The following ITGB6 variants were observed in gnomAD, a reference collection of about 807,000 sequenced individuals.
ITGB6 encodes the protein integrin subunit beta 6.
Under a neutral mutation model 84.5 loss-of-function variants are expected in ITGB6, and 80 were observed. That is an observed-to-expected ratio of 0.95 (90% CI 0.79 to 1.14). The LOEUF (loss-of-function observed/expected upper bound fraction) is 1.14. Among genes scored for constraint, ITGB6 ranks in the 50% most tolerant of loss-of-function variants. ITGB6 has a pLI of 0.00. For synonymous variants in ITGB6, 383 were observed against 354.9 expected (o/e 1.08, Z -0.89); for missense variants, 1,006 against 968.0 (o/e 1.04, Z -0.52).
intron 7 of ITGB6, among the ~76,000 whole-genome samples, chr2:160,155,912 A>G (rs1684606795): frequency 6.6e-6 from 1 of 152,236 alleles, no homozygotes; most frequent in Non-Finnish European, 1.5e-5. Context: ...TAGAATGGCT[A>G]AAATTACAAA....
At chr2:160,122,819 T>C (rs1683095137) in intron 12 of ITGB6, among the ~76,000 whole-genome samples, 1 of 152,218 alleles carries the variant, frequency 6.6e-6, no homozygotes. Flanking sequence ...ATTAACTCAA[T>C]CCATGCTGGA....
At chr2:160,130,195 G>C (rs1443094422) in intron 10 of ITGB6, among the ~76,000 whole-genome samples, 1 of 152,036 alleles carries the variant, frequency 6.6e-6, no homozygotes, top group East Asian at 1.9e-4. Flanking sequence ...TGTGTATCTA[G>C]ACATAGAAAA....
At chr2:160,177,786 C>A (rs909172501) in intron 4 of ITGB6, among the ~76,000 whole-genome samples, 1 of 152,022 alleles carries the variant, frequency 6.6e-6, no homozygotes, top group Non-Finnish European at 1.5e-5. Context: ...GACAATAATG[C>A]AGTATATTTC....
rs1696645378 is a variant in ITGB6, at chr2:160,099,796, G to A, written c.*1940C>T. The A allele has an allele frequency of 6.6e-6, 1 of 152,120 alleles. No individual in the cohort carries two copies. The highest frequency in any genetic ancestry group is 1.5e-5 in the Non-Finnish European group (1 of 68,018). The allele number at this position is 152,120 out of a possible 1,614,324, so 9.4% of individuals were successfully genotyped here. A position where few individuals can be genotyped will look rare whatever the true frequency, so the allele number is the denominator to read the frequency against. The stretch of plus-strand genomic sequence containing the variant: ...CAGAAGTACTACTGTTAATGTTTTG[G>A]CCTTTCCAAGGTCCTGCCTGGGGTC... On this transcript the variant is annotated 3_prime_UTR_variant, in exon 15 of 15. Coordinates refer to ENST00000283249, the MANE Select transcript of ITGB6 (RefSeq NM_000888.5).
intron 7 of ITGB6, among the ~76,000 whole-genome samples, chr2:160,149,065 T>A (rs963920119): frequency 2.6e-5 from 4 of 152,182 alleles, no homozygotes; most frequent in African/African-American, 9.7e-5. Flanking sequence ...GACTTAAACG[T>A]CCCTGTCTGA....
At chr2:160,115,941 G>A (rs13028929) in intron 12 of ITGB6, among the ~76,000 whole-genome samples, 1 of 146,698 alleles carries the variant, frequency 6.8e-6, no homozygotes, top group South Asian at 2.2e-4. Context: ...ATGAAATGAA[G>A]TGAGAAGGGA....
At chr2:160,115,273 A>G (rs4477863) in intron 12 of ITGB6, among the ~76,000 whole-genome samples, 119,294 of 151,476 alleles carry the variant, frequency 0.79, 47,915 homozygotes, top group African/African-American at 0.95. Context: ...CACCTCACAC[A>G]GCCGGGTACT....
intron 12 of ITGB6, among the ~76,000 whole-genome samples, chr2:160,114,612 G>C (rs1682679335): frequency 6.6e-6 from 1 of 152,196 alleles, no homozygotes; most frequent in South Asian, 2.1e-4. Context: ...ATTTCCATCT[G>C]AGGTACCGGG....
At chr2:160,172,166 C>A (rs1685230581) in intron 6 of ITGB6, among the ~76,000 whole-genome samples, 1 of 152,150 alleles carries the variant, frequency 6.6e-6, no homozygotes, top group African/African-American at 2.4e-5. Flanking sequence ...TAGTTGTTAC[C>A]CATGGAACAT....
chr2:160,145,114 C>T (rs1202334806), intron 7 of ITGB6, among the ~76,000 whole-genome samples: 4 of 152,074 alleles, frequency 2.6e-5, no homozygotes, highest in South Asian at 4.2e-4. Context: ...TATTATAAAT[C>T]GTTGTAATTA....
At chr2:160,108,182 T>C (rs1696984297) in intron 13 of ITGB6, among the ~76,000 whole-genome samples, 1 of 151,076 alleles carries the variant, frequency 6.6e-6, no homozygotes, top group Non-Finnish European at 1.5e-5. Context: ...CTAAACATGG[T>C]CTCTTCTGAG....
intron 4 of ITGB6, among the ~76,000 whole-genome samples, chr2:160,193,973 A>T (rs1686238008): frequency 6.6e-6 from 1 of 152,238 alleles, no homozygotes; most frequent in Admixed American, 6.5e-5. Context: ...CCTGGCCAAC[A>T]TAGCGAAACC....
rs1253352527 is a variant in ITGB6 at position 160,126,574 on chromosome 2, C to A, written c.1688G>T (p.Cys563Phe). Residue 563 changes from cysteine to phenylalanine, a missense_variant, in exon 11 of 15, where the codon TGT (cysteine) becomes TTT (phenylalanine). Transcript: ENST00000283249. ...GGNGDCDCGECVCRSGWTGEY... is the reference protein window; with the variant it reads ...GGNGDCDCGEFVCRSGWTGEY... ...GCCAGTCCAGCCGCTCCTGCACACA[C>A]ATTCACCACAGTCACAGTCGCCGTT... is the stretch of plus-strand genomic sequence containing the variant. 6.2e-7 allele frequency: 1 copy of A among 1,613,732 alleles called. No individual in the cohort carries two copies. The highest frequency in any genetic ancestry group is 8.5e-7 in the Non-Finnish European group (1 of 1,179,984).
chr2:160,140,248 G>A (rs1683949720), intron 8 of ITGB6, among the ~76,000 whole-genome samples: 1 of 152,164 alleles, frequency 6.6e-6, no homozygotes, highest in South Asian at 2.1e-4. Flanking sequence ...GTGCAAGATT[G>A]TTTCATTTAA....
In ITGB6 at chr2:160,137,926, A is replaced by T. The variant is rs1240933768; in HGVS notation, c.1243-75T>A. On this transcript the variant is annotated intron_variant, in intron 9 of 14. Coordinates refer to ENST00000283249, the MANE Select transcript of ITGB6 (RefSeq NM_000888.5). ...GGTGAAACAAGGCTTCACGGAAATCAGCTTTGCCAAAAGCATTTACTAGAA... is the reference window on the plus strand; with the variant it reads ...GGTGAAACAAGGCTTCACGGAAATCTGCTTTGCCAAAAGCATTTACTAGAA... The T allele has an allele frequency of 2.6e-6, 4 of 1,549,802 alleles. No homozygotes were observed. The Admixed American group carries it at 5.7e-5, about 22-fold the overall frequency.
rs374922899 is a variant in ITGB6, at chr2:160,170,529, G to A, written c.922-1222C>T. 7.2e-5 allele frequency among the ~76,000 whole-genome samples: 11 copies of A among 152,320 alleles called. No individual in the cohort carries two copies. The South Asian group carries it at 2.3e-3, about 32-fold the overall frequency. ...TTCCCACACTCCTTAGCTGCTGTGT[G>A]TGTGTAGCCAGGATCACACCACATA... On this transcript the variant is annotated intron_variant, in intron 6 of 14. Coordinates refer to ENST00000283249, the MANE Select transcript of ITGB6 (RefSeq NM_000888.5).
chr2:160,116,269 T>G (rs990176785), intron 12 of ITGB6, among the ~76,000 whole-genome samples: 1 of 151,892 alleles, frequency 6.6e-6, no homozygotes, highest in Non-Finnish European at 1.5e-5. Context: ...AGAGAAAGGT[T>G]GGGTTACCCA....
chr2:160,111,536 G>A (rs979957694), intron 13 of ITGB6, among the ~76,000 whole-genome samples: 2 of 150,770 alleles, frequency 1.3e-5, no homozygotes, highest in African/African-American at 4.9e-5. Context: ...TCAAGGCCAA[G>A]TTCACAATCA....
chr2:160,104,421 G>A (rs17216980), intron 14 of ITGB6, among the ~76,000 whole-genome samples: 45,191 of 152,032 alleles, frequency 0.3, 8,415 homozygotes, highest in Non-Finnish European at 0.41. Flanking sequence ...ACTCTATTTC[G>A]GGTGAGTGTG....
Sources: allele counts gnomAD v4.1 joint callset (sites outside exome capture counted in the v4.1 genomes callset), GRCh38; gene constraint gnomAD v4.1.1; transcripts MANE v1.5; gene names NCBI Gene and HGNC (gene_info 2026-07-23, HGNC 2026-07-21).